Variants in GRM8 observed in about 807,000 individuals in gnomAD.
GRM8 encodes the protein metabotropic glutamate receptor 8.
In GRM8, 47 loss-of-function variants were observed where a neutral mutation model predicts 87.2. That is an observed-to-expected ratio of 0.54 (90% CI 0.43 to 0.69). The LOEUF is 0.69. GRM8 is among the 30% of genes least tolerant of loss of function. GRM8 has a pLI of 0.00. For missense variants in GRM8, 1,019 were observed against 1,139.2 expected (o/e 0.89, Z 1.52); for synonymous variants, 396 against 404.5 (o/e 0.98, Z 0.25).
chr7:127,175,775 T>C (rs1794069070), intron 2 of GRM8, among the ~76,000 whole-genome samples: 1 of 152,162 alleles, frequency 6.6e-6, no homozygotes, highest in Admixed American at 6.5e-5. Flanking sequence ...AAGGACTTCC[T>C]TCATGCAAAA....
chr7:126,890,236 A>G (rs1800867951), intron 6 of GRM8, among the ~76,000 whole-genome samples: 1 of 152,112 alleles, frequency 6.6e-6, no homozygotes. Context: ...GCTTCAAAGA[A>G]AAGGAAGTTG....
chr7:127,001,432 G>T (rs764497583), intron 3 of GRM8, among the ~76,000 whole-genome samples: 4 of 151,398 alleles, frequency 2.6e-5, no homozygotes. Flanking sequence ...GCAACAAGAG[G>T]ACAAAAACTC....
chr7:127,022,378 T>C (rs995994528), intron 3 of GRM8, among the ~76,000 whole-genome samples: 1 of 152,040 alleles, frequency 6.6e-6, no homozygotes, highest in Non-Finnish European at 1.5e-5. Context: ...TCAGTTTCCA[T>C]TGCAAATGTC....
At chr7:127,169,450 A>G (rs1178715555) in intron 2 of GRM8, among the ~76,000 whole-genome samples, 1 of 152,224 alleles carries the variant, frequency 6.6e-6, no homozygotes, top group African/African-American at 2.4e-5. Context: ...GAAAGAAACT[A>G]TCTCCAAAAC....
intron 9 of GRM8, among the ~76,000 whole-genome samples, chr7:126,488,959 A>G (rs762222547): frequency 6.6e-6 from 1 of 151,766 alleles, no homozygotes; most frequent in Non-Finnish European, 1.5e-5. Flanking sequence ...TTGGGTAACT[A>G]ATATATATCA....
chr7:126,494,695 C>A (rs549271469), intron 9 of GRM8, among the ~76,000 whole-genome samples: 3 of 152,114 alleles, frequency 2.0e-5, no homozygotes, highest in Admixed American at 2.0e-4. Flanking sequence ...CAAAACACTT[C>A]AAGTCTTCAA....
Position 126,856,536 on chromosome 7 carries a change from C to G in GRM8, c.1156+46006G>C, listed in dbSNP as rs185638996. Among the ~76,000 whole-genome samples, 11 of 152,270 alleles carry G rather than the reference C, an allele frequency of 7.2e-5. No homozygotes were observed. In the East Asian group the frequency reaches 1.9e-3, roughly 27 times the overall value. ...GCCTTGGGGATGAGTTCTGTTACAT[C>G]GTGATATCTTCCTTTATATAACTAA... is the stretch of plus-strand genomic sequence containing the variant. On this transcript the variant is annotated intron_variant, in intron 6 of 10. Coordinates refer to ENST00000339582, the MANE Select transcript of GRM8 (RefSeq NM_000845.3).
intron 9 of GRM8, among the ~76,000 whole-genome samples, chr7:126,451,485 G>A (rs886395214): frequency 6.6e-6 from 1 of 151,654 alleles, no homozygotes; most frequent in Admixed American, 6.6e-5. Flanking sequence ...CTGTCCTAGT[G>A]TTCTCTTTCC....
intron 2 of GRM8, among the ~76,000 whole-genome samples, chr7:127,214,763 T>G (rs1054625479): frequency 6.6e-6 from 1 of 152,142 alleles, no homozygotes; most frequent in African/African-American, 2.4e-5. Flanking sequence ...CAATTCGAGA[T>G]GAGATTTGGG....
At chr7:126,582,875 T>C (rs1486311482) in intron 8 of GRM8, among the ~76,000 whole-genome samples, 1 of 152,208 alleles carries the variant, frequency 6.6e-6, no homozygotes, top group African/African-American at 2.4e-5. Flanking sequence ...ATCATTGGGA[T>C]GAACTTCTCA....
At chr7:127,107,767 C>G (rs1011227488) in intron 2 of GRM8, among the ~76,000 whole-genome samples, 2 of 152,200 alleles carry the variant, frequency 1.3e-5, no homozygotes, top group African/African-American at 4.8e-5. Context: ...AACATTTCAA[C>G]TCCACCCTTG....
At chr7:127,155,137 T>C in intron 2 of GRM8, among the ~76,000 whole-genome samples, 1 of 152,130 alleles carries the variant, frequency 6.6e-6, no homozygotes, top group East Asian at 1.9e-4. Context: ...TAATCTAGGA[T>C]GATGGTTCCA....
intron 9 of GRM8, among the ~76,000 whole-genome samples, chr7:126,515,159 T>C (rs1038731742): frequency 2.6e-5 from 4 of 152,102 alleles, no homozygotes; most frequent in Admixed American, 6.6e-5. Context: ...AATTTCATCA[T>C]ATATCATAAT....
At chr7:127,151,644 G>C (rs764851933) in intron 2 of GRM8, among the ~76,000 whole-genome samples, 40 of 151,914 alleles carry the variant, frequency 2.6e-4, no homozygotes, top group Non-Finnish European at 4.1e-4. Flanking sequence ...CTGAGTTTAC[G>C]GCTTTCTACT....
chr7:127,152,069 C>T (rs1038971206), intron 2 of GRM8, among the ~76,000 whole-genome samples: 1 of 151,952 alleles, frequency 6.6e-6, no homozygotes, highest in East Asian at 1.9e-4. Flanking sequence ...CACTTCCTGC[C>T]ACCTTAGGGA....
At chr7:127,141,776 G>C (rs1417980994) in intron 2 of GRM8, among the ~76,000 whole-genome samples, 1 of 152,238 alleles carries the variant, frequency 6.6e-6, no homozygotes, top group African/African-American at 2.4e-5. Context: ...TTTATAACAG[G>C]TTACTGTTTG....
At chr7:126,822,523 C>T (rs1296552572) in intron 6 of GRM8, among the ~76,000 whole-genome samples, 1 of 149,014 alleles carries the variant, frequency 6.7e-6, no homozygotes, top group African/African-American at 2.5e-5. Context: ...CTTCCCTTCC[C>T]TTCCTTGTCT....
chr7:126,823,940 A>G (rs1794524685), intron 6 of GRM8, among the ~76,000 whole-genome samples: 1 of 152,138 alleles, frequency 6.6e-6, no homozygotes. Flanking sequence ...CCATATTTCC[A>G]TATATAAGAT....
intron 7 of GRM8, among the ~76,000 whole-genome samples, chr7:126,696,252 A>C (rs567792565): frequency 6.6e-6 from 1 of 152,330 alleles, no homozygotes; most frequent in East Asian, 1.9e-4. Context: ...TCTGGGATAC[A>C]TAAGTAGGAT....
Sources: allele counts gnomAD v4.1 joint callset (sites outside exome capture counted in the v4.1 genomes callset), GRCh38; gene constraint gnomAD v4.1.1; transcripts MANE v1.5; gene names NCBI Gene and HGNC (gene_info 2026-07-23, HGNC 2026-07-21).